Variants in PCDHGA5 observed in about 807,000 individuals in gnomAD.
PCDHGA5 encodes protocadherin gamma-A5.
A neutral mutation model predicts 56.7 loss-of-function variants in PCDHGA5; 36 were observed. That is an observed-to-expected ratio of 0.64 (90% CI 0.49 to 0.84). The LOEUF is 0.84. PCDHGA5 is among the 40% of genes least tolerant of loss of function. The pLI, the probability that PCDHGA5 is intolerant of heterozygous loss-of-function variation, is 0.00. For missense variants in PCDHGA5, 1,305 were observed against 1,201.5 expected (o/e 1.09, Z -1.27); for synonymous variants, 563 against 520.2 (o/e 1.08, Z -1.12).
chr5:141,476,040 G>T lies in PCDHGA5; in HGVS notation c.2422-18767G>T. On this transcript the variant is annotated intron_variant, in intron 1 of 3. Coordinates refer to ENST00000518069, the MANE Select transcript of PCDHGA5 (RefSeq NM_018918.3). This position sits in a 1 kb window ranked among gnomAD's most constrained non-coding sequence, Gnocchi z 7.6. ...CGGACTCGGCGCCCAGCGCCCAAGC[G>T]CTAACCCGCTGAAAGTTTCTCAGCG... is the stretch of plus-strand genomic sequence containing the variant. 1 of 1,488,704 alleles carries T rather than the reference G, an allele frequency of 6.7e-7. No homozygotes were observed. 92.2% of individuals were successfully genotyped at this position (1,488,704 alleles called of 1,614,324 possible).
At chr5:141,456,020 C>A (rs2098840631) in intron 1 of PCDHGA5, among the ~76,000 whole-genome samples, 2 of 151,952 alleles carry the variant, frequency 1.3e-5, no homozygotes, top group South Asian at 4.2e-4. Flanking sequence ...GCCTCAGCCT[C>A]CCGAGTAGCT....
rs773688197 is a variant in PCDHGA5 at position 141,432,412 on chromosome 5, C to A, written c.2422-62395C>A. 2.5e-6 allele frequency: 4 copies of A among 1,614,128 alleles called. No homozygotes were observed. The Admixed American group carries it at 6.7e-5, about 27-fold the overall frequency. On this transcript the variant is annotated intron_variant, in intron 1 of 3. Transcript: ENST00000518069. The surrounding 1 kb of genome is among the most constrained non-coding windows in gnomAD (Gnocchi z 6.0). ...GCAGCAACGTGTCGTTGAGCCTGTT[C>A]GTGCTGGACCAGAACGACAATGCGC...
intron 1 of PCDHGA5, chr5:141,424,664 A>T (rs923488035): frequency 6.6e-6 from 1 of 152,124 alleles, no homozygotes; most frequent in African/African-American, 2.4e-5. Flanking sequence ...CTTTAATTAA[A>T]CTGATTTAGC....
rs2154591169 is a variant in PCDHGA5 at position 141,493,606 on chromosome 5, T to A, written c.2422-1201T>A. Among the ~76,000 whole-genome samples, 1 of 152,278 alleles carries A rather than the reference T, an allele frequency of 6.6e-6. No homozygotes were observed. Among genetic ancestry groups the A allele is most frequent in the Non-Finnish European group, 1.5e-5 (1 of 68,022 alleles). ...ACAATCACTGCATTTCCATGTAGAT[T>A]CTGCTGTGTCTAAGAATACAGTGGC... On this transcript the variant is annotated intron_variant, in intron 1 of 3. Transcript: ENST00000518069. This position sits in a 1 kb window ranked among gnomAD's most constrained non-coding sequence, Gnocchi z 4.3.
At position 141,379,889 on chromosome 5, in the gene PCDHGA5, CTTTTTTTTTTTTTT is replaced by C. The variant is rs70988800; in HGVS notation, c.2421+13155_2421+13168del. Among the ~76,000 whole-genome samples, 12 of 50,834 alleles carry C rather than the reference CTTTTTTTTTTTTTT, an allele frequency of 2.4e-4. 1 individual carries two copies. In the South Asian group the frequency reaches 3.7e-3, roughly 16 times the overall value. The allele number at this position is 50,834 out of a possible 152,430, so 33.3% of individuals were successfully genotyped here. Reference sequence around the variant, plus strand: ...CTTATTTTATGGTCTGTGAAAGCCTCTTTTTTTTTTTTTTTTTTTTTTTTTTTTTTGTCAGAGTC... The same window carrying C: ...CTTATTTTATGGTCTGTGAAAGCCTCTTTTTTTTTTTTTTTTGTCAGAGTC... On this transcript the variant is annotated intron_variant, in intron 1 of 3. Coordinates refer to ENST00000518069, the MANE Select transcript of PCDHGA5 (RefSeq NM_018918.3).
chr5:141,389,389 A>G, intron 1 of PCDHGA5: 1 of 1,613,668 alleles, frequency 6.2e-7, no homozygotes, highest in Non-Finnish European at 8.5e-7. Context: ...CTGTCATCCT[A>G]CGTGTCCATA....
intron 1 of PCDHGA5, chr5:141,374,747 C>A (rs764039295): frequency 1.9e-6 from 3 of 1,612,140 alleles, no homozygotes; most frequent in Non-Finnish European, 2.5e-6. Context: ...CGACCCTGTC[C>A]GCTCAAGCGT....
At chr5:141,375,619 G>A (rs373115950) in intron 1 of PCDHGA5, 123 of 1,614,098 alleles carry the variant, frequency 7.6e-5, no homozygotes, top group Non-Finnish European at 1.0e-4. Context: ...CCGACACTGG[G>A]ATTCTGTACG....
intron 1 of PCDHGA5, chr5:141,390,341 A>G (rs766269615): frequency 6.3e-7 from 1 of 1,587,420 alleles, no homozygotes; most frequent in Non-Finnish European, 8.6e-7. Flanking sequence ...CATATTCACA[A>G]GAAAATATAC....
intron 1 of PCDHGA5, among the ~76,000 whole-genome samples, chr5:141,482,447 T>C (rs2099560010): frequency 6.7e-6 from 1 of 149,882 alleles, no homozygotes; most frequent in East Asian, 1.9e-4. Flanking sequence ...ATTCACCATT[T>C]ATTAGCATCC....
intron 1 of PCDHGA5, chr5:141,478,292 CTATA>C (rs1257685524): frequency 6.2e-7 from 1 of 1,614,146 alleles, no homozygotes; most frequent in Admixed American, 1.7e-5. Flanking sequence ...GTCTAGAGAC[CTATA>C]CCGAGCCCCG....
chr5:141,478,145 T>C (rs1252008984), intron 1 of PCDHGA5: 1 of 1,614,026 alleles, frequency 6.2e-7, no homozygotes. Context: ...CCGAGCCGAG[T>C]TCCCCTCTGG....
chr5:141,408,869 AG>A, intron 1 of PCDHGA5: 1 of 1,613,690 alleles, frequency 6.2e-7, no homozygotes, highest in Non-Finnish European at 8.5e-7. Context: ...CCCACCAAGA[AG>A]TGCCACCGCT....
In PCDHGA5 at chr5:141,491,149, G is replaced by T; in HGVS notation, c.2422-3658G>T. 6.8e-6 allele frequency: 11 copies of T among 1,614,152 alleles called. No homozygotes were observed. The highest frequency in any genetic ancestry group is 9.3e-6 in the Non-Finnish European group (11 of 1,180,010). On this transcript the variant is annotated intron_variant, in intron 1 of 3. Transcript: ENST00000518069. This position sits in a 1 kb window ranked among gnomAD's most constrained non-coding sequence, Gnocchi z 6.9. ...GCGCACAGCCCGGGCCTTACTGGAGGATGACTCTGACACCCAGCAGGTGGT... is the reference window on the plus strand; with the variant it reads ...GCGCACAGCCCGGGCCTTACTGGAGTATGACTCTGACACCCAGCAGGTGGT...
chr5:141,427,832 T>C, intron 1 of PCDHGA5: 1 of 1,540,264 alleles, frequency 6.5e-7, no homozygotes, highest in Non-Finnish European at 8.9e-7. Flanking sequence ...TCGCGCAGCG[T>C]GCCTTCGACC....
At chr5:141,420,289 AT>A in intron 1 of PCDHGA5, 1 of 1,497,936 alleles carries the variant, frequency 6.7e-7, no homozygotes, top group Non-Finnish European at 9.0e-7. Flanking sequence ...GTATTTAAAA[AT>A]GTATTTAATC....
chr5:141,421,574 A>C, intron 1 of PCDHGA5: 1 of 1,613,924 alleles, frequency 6.2e-7, no homozygotes. Flanking sequence ...GACACCTTGA[A>C]GATTTACGGA....
chr5:141,460,792 A>T (rs1028557260), intron 1 of PCDHGA5, among the ~76,000 whole-genome samples: 30 of 152,012 alleles, frequency 2.0e-4, no homozygotes, highest in Non-Finnish European at 2.9e-5. Context: ...ATATACACAC[A>T]AAGTATATAT....
chr5:141,429,765 T>C (rs897963458), intron 1 of PCDHGA5, among the ~76,000 whole-genome samples: 1 of 152,230 alleles, frequency 6.6e-6, no homozygotes, highest in East Asian at 1.9e-4. Flanking sequence ...TTTCCCTATA[T>C]TTTGATGGGC....
Sources: allele counts gnomAD v4.1 joint callset (sites outside exome capture counted in the v4.1 genomes callset), GRCh38; gene constraint gnomAD v4.1.1; non-coding constraint Gnocchi (gnomAD v3.1); transcripts MANE v1.5; gene names NCBI Gene and HGNC (gene_info 2026-07-23, HGNC 2026-07-21).